The following KHDRBS2 variants were observed in gnomAD, a reference collection of about 807,000 sequenced individuals.
KHDRBS2 encodes KH domain-containing, RNA-binding, signal transduction-associated protein 2.
In KHDRBS2, 26 loss-of-function variants were observed where a neutral mutation model predicts 44.3. The ratio of observed to expected loss-of-function variants is 0.59; its 90% CI spans 0.43 to 0.81. KHDRBS2 has a LOEUF of 0.81. KHDRBS2 is among the 40% of genes least tolerant of loss of function. The probability of loss-of-function intolerance (pLI) is 0.00; values close to 1 mark genes in which losing one functional copy is unlikely to be tolerated. For missense variants in KHDRBS2, 476 were observed against 433.1 expected (o/e 1.10, Z -0.88); for synonymous variants, 194 against 151.1 (o/e 1.28, Z -2.08).
chr6:61,667,808 G>T, the KHDRBS2 span, among the ~76,000 whole-genome samples: 3 of 151,242 alleles, frequency 2.0e-5, no homozygotes, highest in Admixed American at 2.0e-4. Flanking sequence ...GCAGGGTGAA[G>T]TGTTTTCTTG....
At chr6:61,976,635 A>G (rs1306041692) in intron 4 of KHDRBS2, among the ~76,000 whole-genome samples, 1 of 152,142 alleles carries the variant, frequency 6.6e-6, no homozygotes, top group African/African-American at 2.4e-5. Flanking sequence ...AATATTCATC[A>G]TAACTGTGAT....
chr6:62,170,774 C>A (rs1819826999), intron 2 of KHDRBS2, among the ~76,000 whole-genome samples: 2 of 152,022 alleles, frequency 1.3e-5, no homozygotes, highest in Admixed American at 6.6e-5. Context: ...TCCTAAACCT[C>A]AAGGGGCCAG....
chr6:61,664,409 T>C, the KHDRBS2 span, among the ~76,000 whole-genome samples: 1 of 151,706 alleles, frequency 6.6e-6, no homozygotes, highest in African/African-American at 2.4e-5. Flanking sequence ...TTGTCCCAAA[T>C]TTAGTTGGGA....
At chr6:61,879,720 T>C (rs1799944189) in intron 6 of KHDRBS2, among the ~76,000 whole-genome samples, 1 of 151,922 alleles carries the variant, frequency 6.6e-6, no homozygotes, top group South Asian at 2.1e-4. Flanking sequence ...GTATGTACTA[T>C]ATAAATTTAG....
At chr6:61,709,946 G>A (rs563799826) in intron 7 of KHDRBS2, among the ~76,000 whole-genome samples, 3 of 151,740 alleles carry the variant, frequency 2.0e-5, no homozygotes, top group African/African-American at 7.2e-5. Flanking sequence ...AGTTGACTTT[G>A]CTACTGAATT....
chr6:61,640,600 T>C, the KHDRBS2 span, among the ~76,000 whole-genome samples: 5 of 152,116 alleles, frequency 3.3e-5, no homozygotes, highest in African/African-American at 9.7e-5. Context: ...CTCATAACTG[T>C]CTGGCTTAAG....
chr6:61,736,396 G>A (rs1466923538), intron 6 of KHDRBS2, among the ~76,000 whole-genome samples: 1 of 151,970 alleles, frequency 6.6e-6, no homozygotes, highest in Non-Finnish European at 1.5e-5. Context: ...ATTCAGGGCA[G>A]TCCAGCACTC....
At chr6:61,586,806 T>C in the KHDRBS2 span, among the ~76,000 whole-genome samples, 1 of 152,056 alleles carries the variant, frequency 6.6e-6, no homozygotes, top group East Asian at 1.9e-4. Flanking sequence ...GAAGATAGCA[T>C]TCAAGACCCA....
At chr6:62,062,728 C>T (rs1431247759) in intron 2 of KHDRBS2, among the ~76,000 whole-genome samples, 1 of 146,464 alleles carries the variant, frequency 6.8e-6, no homozygotes, top group Admixed American at 6.8e-5. Context: ...ACTAGAAAAG[C>T]AAGAGCAAAC....
At chr6:62,177,420 A>G (rs865932952) in intron 1 of KHDRBS2, 108 bp from the exon 2 acceptor site, 28 of 863,308 alleles carry the variant, frequency 3.2e-5, no homozygotes, top group Middle Eastern at 3.6e-4. Context: ...CTCTTCTCAA[A>G]TAAGATTTTG....
chr6:61,792,654 A>G (rs914391281), intron 6 of KHDRBS2, among the ~76,000 whole-genome samples: 1 of 151,850 alleles, frequency 6.6e-6, no homozygotes, highest in Non-Finnish European at 1.5e-5. Context: ...AAAAGTCACA[A>G]TGACAACTGC....
intron 8 of KHDRBS2, among the ~76,000 whole-genome samples, chr6:61,696,391 G>T (rs939029341): frequency 1.3e-5 from 2 of 151,952 alleles, no homozygotes; most frequent in Non-Finnish European, 1.5e-5. Context: ...GAGTAGCTGA[G>T]ATTACAGGCA....
chr6:61,622,824 CACCAAGA>C, the KHDRBS2 span, among the ~76,000 whole-genome samples: 307 of 152,190 alleles, frequency 2.0e-3, 2 homozygotes, highest in African/African-American at 6.9e-3. Flanking sequence ...GCATCTGCAT[CACCAAGA>C]ACGTCAGTGG....
chr6:61,555,160 C>T, the KHDRBS2 span, among the ~76,000 whole-genome samples: 3 of 152,126 alleles, frequency 2.0e-5, no homozygotes, highest in African/African-American at 7.2e-5. Flanking sequence ...TAAATTGGGT[C>T]TCTTTAAATA....
At chr6:61,721,387 G>A (rs576899133) in intron 7 of KHDRBS2, among the ~76,000 whole-genome samples, 2 of 151,802 alleles carry the variant, frequency 1.3e-5, no homozygotes, top group South Asian at 2.1e-4. Flanking sequence ...CCATTTTCAC[G>A]ATATTGATTC....
intron 3 of KHDRBS2, among the ~76,000 whole-genome samples, chr6:62,033,055 G>C (rs748832382): frequency 6.6e-6 from 1 of 151,830 alleles, no homozygotes; most frequent in Non-Finnish European, 1.5e-5. Context: ...TTCTGGAGTT[G>C]AAAAATGTAA....
chr6:61,938,128 A>T (rs976490989), intron 4 of KHDRBS2, among the ~76,000 whole-genome samples: 1 of 152,104 alleles, frequency 6.6e-6, no homozygotes, highest in African/African-American at 2.4e-5. Flanking sequence ...AAATATAAAT[A>T]TAAATATAAG....
chr6:62,118,354 C>T (rs9346109), intron 2 of KHDRBS2, among the ~76,000 whole-genome samples: 91,672 of 152,030 alleles, frequency 0.6, 27,815 homozygotes, highest in Non-Finnish European at 0.62. Flanking sequence ...GTTCTATTTG[C>T]TCAAGATTGC....
chr6:61,977,485 A>G (rs1384252578), intron 4 of KHDRBS2, among the ~76,000 whole-genome samples: 1 of 152,128 alleles, frequency 6.6e-6, no homozygotes, highest in Non-Finnish European at 1.5e-5. Flanking sequence ...TTGCCCTCAC[A>G]TGGTAGAGTG....
Sources: allele counts gnomAD v4.1 joint callset (sites outside exome capture counted in the v4.1 genomes callset), GRCh38; gene constraint gnomAD v4.1.1; transcripts MANE v1.5; gene names NCBI Gene and HGNC (gene_info 2026-07-23, HGNC 2026-07-21).